The following DAP3 variants were observed in gnomAD, a reference collection of about 807,000 sequenced individuals.
DAP3 encodes the protein small ribosomal subunit protein mS29.
DAP3 carries 28 observed loss-of-function variants against 51.9 expected under a neutral mutation model. The ratio of observed to expected loss-of-function variants is 0.54; its 90% CI spans 0.40 to 0.74. DAP3 has a LOEUF of 0.74. Ranked by LOEUF, DAP3 falls within the 30% of genes least tolerant of loss-of-function variation. The probability of loss-of-function intolerance (pLI) is 0.00; values close to 1 mark genes in which losing one functional copy is unlikely to be tolerated. For missense variants in DAP3, 458 were observed against 483.5 expected, an observed-to-expected ratio of 0.95 and a Z score of 0.49; for synonymous variants, 170 against 170.3, an observed-to-expected ratio of 1.00 and a Z score of 0.01.
rs1360451445 is a variant in DAP3 at position 155,719,110 on chromosome 1, G to C, written c.168+1982G>C. ...CAGCATTCTTGGCTAAGATAAATGAGGCTGGGCACAGTAGCTTATGCCTGT... is the reference window on the plus strand; with the variant it reads ...CAGCATTCTTGGCTAAGATAAATGACGCTGGGCACAGTAGCTTATGCCTGT... On this transcript the variant is annotated intron_variant, in intron 3 of 12. Transcript: ENST00000368336. Among the ~76,000 whole-genome samples, 3 of 152,300 alleles carry C rather than the reference G, an allele frequency of 2.0e-5. No individual in the cohort carries two copies. In the East Asian group the frequency reaches 5.8e-4, roughly 29 times the overall value.
intron 1 of DAP3, among the ~76,000 whole-genome samples, chr1:155,702,168 A>G (rs1263920875): frequency 7.8e-6 from 1 of 128,190 alleles, no homozygotes; most frequent in Non-Finnish European, 1.5e-5. Context: ...AAAAAAAAAA[A>G]AAGAAAATTA....
At chr1:155,729,659 C>G (rs1029540758) in intron 9 of DAP3, among the ~76,000 whole-genome samples, 1 of 152,044 alleles carries the variant, frequency 6.6e-6, no homozygotes, top group Admixed American at 6.6e-5. Context: ...GTGGCACACA[C>G]CTGTAGTCAC....
upstream of DAP3, chr1:155,688,789 C>G: frequency 6.5e-7 from 1 of 1,542,782 alleles, no homozygotes; most frequent in Non-Finnish European, 8.7e-7. Context: ...CTCGCGCGTG[C>G]GCCTCCCACA....
chr1:155,734,727 T>C (rs1659584730), intron 11 of DAP3, among the ~76,000 whole-genome samples: 1 of 152,176 alleles, frequency 6.6e-6, no homozygotes. Context: ...TGTATGTATA[T>C]GTGTGAACCA....
chr1:155,697,493 G>T (rs1011361575), intron 1 of DAP3, among the ~76,000 whole-genome samples: 13 of 152,084 alleles, frequency 8.5e-5, no homozygotes, highest in Admixed American at 3.9e-4. Flanking sequence ...GTCTCCGGGG[G>T]TGACATCACA....
chr1:155,710,279 G>C (rs1257325022), intron 2 of DAP3: 2 of 153,054 alleles, frequency 1.3e-5, no homozygotes, highest in Non-Finnish European at 2.9e-5. Flanking sequence ...GCCCAGGCTG[G>C]AGTGTGCAGT....
Position 155,694,564 on chromosome 1 carries a change from C to T in DAP3, c.-8+5390C>T, listed in dbSNP as rs560573644. ...TGATCTGTCCCCAAGTTGGTGGGCT[C>T]GCTTGATGGGTTTTGTTGGTCTTCA... On this transcript the variant is annotated intron_variant, in intron 1 of 12. Coordinates refer to ENST00000368336, the MANE Select transcript of DAP3 (RefSeq NM_004632.4). 9.0e-5 allele frequency among the ~76,000 whole-genome samples: 12 copies of T among 134,058 alleles called. No individual in the cohort carries two copies. The South Asian group carries it at 1.9e-3, about 21-fold the overall frequency. 87.9% of individuals were successfully genotyped at this position (134,058 alleles called of 152,430 possible).
chr1:155,736,204 C>T (rs1342239125), intron 11 of DAP3, among the ~76,000 whole-genome samples: 1 of 152,090 alleles, frequency 6.6e-6, no homozygotes, highest in Non-Finnish European at 1.5e-5. Context: ...GTTGGCCAGG[C>T]TGATCTCGAA....
intron 1 of DAP3, among the ~76,000 whole-genome samples, chr1:155,700,359 C>T (rs1307385946): frequency 1.3e-5 from 2 of 152,222 alleles, no homozygotes; most frequent in East Asian, 1.9e-4. Flanking sequence ...TTGATGGTAT[C>T]CCTTGAAGTA....
intron 1 of DAP3, among the ~76,000 whole-genome samples, chr1:155,703,885 C>T (rs1400007998): frequency 2.0e-5 from 3 of 152,094 alleles, no homozygotes; most frequent in South Asian, 4.1e-4. Context: ...TAGTGGCTCG[C>T]GCCTGCAATC....
chr1:155,733,371 T>C (rs2149203203), intron 11 of DAP3, among the ~76,000 whole-genome samples: 1 of 152,354 alleles, frequency 6.6e-6, no homozygotes, highest in South Asian at 2.1e-4. Context: ...TAGGTAAAGA[T>C]CCTGTTACTT....
At position 155,716,542 on chromosome 1, in the gene DAP3, C is replaced by T. The variant is rs796135087; in HGVS notation, c.46-464C>T. On this transcript the variant is annotated intron_variant, in intron 2 of 12. Coordinates refer to ENST00000368336, the MANE Select transcript of DAP3 (RefSeq NM_004632.4). ...GAGCCGAGATCGCGCCACTGCACTC[C>T]AGCCTGGGCGACAGAGTGAGACTCC... Among the ~76,000 whole-genome samples the T allele has an allele frequency of 1.1e-4, 17 of 151,816 alleles. 1 individual carries two copies. Among genetic ancestry groups the T allele is most frequent in the African/African-American group, 4.1e-4 (17 of 41,388 alleles).
intron 12 of DAP3, 114 bp from the exon 13 acceptor site, chr1:155,738,043 G>A (rs1659986157): frequency 1.0e-6 from 1 of 968,454 alleles, no homozygotes; most frequent in African/African-American, 1.6e-5. Flanking sequence ...CTTGGGAGAT[G>A]ATAATTACCT....
At chr1:155,703,938 A>C (rs1192640088) in intron 1 of DAP3, among the ~76,000 whole-genome samples, 1 of 152,184 alleles carries the variant, frequency 6.6e-6, no homozygotes, top group Non-Finnish European at 1.5e-5. Context: ...ACTTGAGGCC[A>C]GGAGTTAGAG....
upstream of DAP3, chr1:155,688,233 G>A (rs1652863457): frequency 7.4e-6 from 12 of 1,612,632 alleles, no homozygotes; most frequent in Admixed American, 6.7e-5. Context: ...AGAAGGGAAA[G>A]GTGGAGGGCT....
intron 9 of DAP3, 24 bp downstream of exon 9, chr1:155,729,390 CT>C: frequency 6.2e-7 from 1 of 1,610,210 alleles, no homozygotes; most frequent in Non-Finnish European, 8.5e-7. Context: ...GTGTCTCTAT[CT>C]TGTTTCTCTG....
chr1:155,709,663 G>C, intron 1 of DAP3, 110 bp from the exon 2 acceptor site: 1 of 776,120 alleles, frequency 1.3e-6, no homozygotes, highest in Non-Finnish European at 1.9e-6. Flanking sequence ...ATATATTCTA[G>C]ATATTAATAT....
chr1:155,728,625 C>T (rs780795684), intron 7 of DAP3, among the ~76,000 whole-genome samples: 3 of 151,770 alleles, frequency 2.0e-5, no homozygotes, highest in Admixed American at 6.6e-5. Flanking sequence ...TTTGGGAGGC[C>T]GAGGTGGGCA....
chr1:155,689,475 G>A, intron 1 of DAP3: 3 of 458,766 alleles, frequency 6.5e-6, no homozygotes, highest in South Asian at 4.6e-5. Context: ...GCCTGGTGAT[G>A]GAGGATGAAG....
Sources: gnomAD v4.1 joint callset for allele counts (sites outside exome capture counted in the v4.1 genomes callset) on GRCh38, gnomAD v4.1.1 for gene constraint, MANE v1.5 for transcripts, NCBI Gene and HGNC (gene_info 2026-07-23, HGNC 2026-07-21) for gene names.